The following PCDHA12 variants were observed in gnomAD, a reference collection of about 807,000 sequenced individuals.
PCDHA12 encodes protocadherin alpha-12.
Under a neutral mutation model 60.0 loss-of-function variants are expected in PCDHA12, and 44 were observed. That is an observed-to-expected ratio of 0.73 (90% CI 0.58 to 0.94). The LOEUF (loss-of-function observed/expected upper bound fraction) is 0.94, where lower values mean the gene tolerates loss of function less well. PCDHA12 is among the 40% of genes least tolerant of loss of function. The pLI is 0.00. For synonymous variants in PCDHA12, 569 were observed against 553.0 expected (o/e 1.03, Z -0.40); for missense variants, 1,276 against 1,239.7 (o/e 1.03, Z -0.44).
In PCDHA12 at chr5:140,877,539, C is replaced by G. The variant is rs1562735979; in HGVS notation, c.2067C>G (p.Pro689=). The G allele has an allele frequency of 2.5e-6, 4 of 1,613,788 alleles. No homozygotes were observed. Among genetic ancestry groups the G allele is most frequent in the South Asian group, 1.1e-5 (1 of 91,088 alleles). Residue 689 remains proline (P), a synonymous_variant, in exon 1 of 4, where the codon CCC becomes CCG. Coordinates refer to ENST00000398631, the MANE Select transcript of PCDHA12 (RefSeq NM_018903.4). ...SSRASVGAVD[P]EAALVDINVY... ...GGGCCTCAGTGGGCGCTGTGGATCC[C>G]GAAGCGGCTCTGGTGGATATTAACG...
chr5:140,987,012 G>A (rs2097222470), intron 3 of PCDHA12, among the ~76,000 whole-genome samples: 1 of 151,994 alleles, frequency 6.6e-6, no homozygotes. Context: ...TCATGAGTTC[G>A]AGACCAGCCT....
rs2080357826 is a variant in PCDHA12 at position 140,921,739 on chromosome 5, G to T, written c.2367+43900G>T. The stretch of plus-strand genomic sequence containing the variant: ...CGAATTACTCCCATAAAAATTATAA[G>T]CATAACAGGACACTTCTTGGCTACT... On this transcript the variant is annotated intron_variant, in intron 1 of 3. Transcript: ENST00000398631. Among the ~76,000 whole-genome samples, 7 of 152,134 alleles carry T rather than the reference G, an allele frequency of 4.6e-5. No individual in the cohort carries two copies. In the South Asian group the frequency reaches 1.5e-3, roughly 32 times the overall value.
chr5:140,886,006 G>C (rs2060811194), intron 1 of PCDHA12, among the ~76,000 whole-genome samples: 2 of 152,088 alleles, frequency 1.3e-5, no homozygotes, highest in Non-Finnish European at 2.9e-5. Context: ...AAATAGTAAA[G>C]GGAGATGCTA....
At position 140,876,146 on chromosome 5, in the gene PCDHA12, C is replaced by G. The variant is rs75398909; in HGVS notation, c.674C>G (p.Ser225Cys). The G allele has an allele frequency of 1.6e-3, 2,650 of 1,613,952 alleles. 40 individuals carry two copies. In the African/African-American group the frequency reaches 0.028, roughly 17 times the overall value. ...GGCGGTAAACCAGAACTAACAGGGT[C>G]TGTCCAGATTCAAATAACCGTCCTG... ...IDGGKPELTG[S>C]VQIQITVLDV... Residue 225 changes from serine (S) to cysteine (C), a missense_variant, in exon 1 of 4, where the codon TCT (serine) becomes TGT (cysteine). Ser to Cys is a moderately radical substitution (Grantham distance 112). Coordinates refer to ENST00000398631, the MANE Select transcript of PCDHA12 (RefSeq NM_018903.4).
At chr5:141,001,811 C>T (rs1200900455) in intron 3 of PCDHA12, among the ~76,000 whole-genome samples, 1 of 152,128 alleles carries the variant, frequency 6.6e-6, no homozygotes, top group Non-Finnish European at 1.5e-5. Flanking sequence ...ATTCTACAAT[C>T]GGCCAAATTC....
chr5:140,910,580 C>T (rs1384259049), intron 1 of PCDHA12, among the ~76,000 whole-genome samples: 1 of 152,162 alleles, frequency 6.6e-6, no homozygotes, highest in Non-Finnish European at 1.5e-5. Flanking sequence ...CTGGATCCTC[C>T]CAGCTGGGAT....
intron 3 of PCDHA12, among the ~76,000 whole-genome samples, chr5:141,000,413 A>AT (rs2097920175): frequency 1.1e-5 from 1 of 93,256 alleles, no homozygotes; most frequent in African/African-American, 4.5e-5. Context: ...ATATATATAT[A>AT]TATATATATT....
intron 1 of PCDHA12, among the ~76,000 whole-genome samples, chr5:140,958,355 C>A (rs2095420165): frequency 6.6e-6 from 1 of 152,064 alleles, no homozygotes; most frequent in Admixed American, 6.6e-5. Context: ...CACAGTCTGA[C>A]TTTATCAGGA....
rs377753884 is a variant in PCDHA12 at position 140,877,685 on chromosome 5, C to G, written c.2213C>G (p.Thr738Arg). ...TVSRCAPGKP[T>R]LVCSSAVGSW... ...AGCCGGTGCGCGCCGGGCAAGCCCA[C>G]GCTGGTGTGCTCCAGCGCCGTGGGG... The change falls in exon 1 of 4, where the codon ACG (threonine) becomes AGG (arginine). Residue 738 changes from threonine (T) to arginine (R), a missense_variant. By Grantham distance (71) the Thr-to-Arg change is moderately conservative (BLOSUM62 -1). Transcript: ENST00000398631. 5.0e-6 allele frequency: 8 copies of G among 1,613,628 alleles called. No individual in the cohort carries two copies. The highest frequency in any genetic ancestry group is 2.7e-5 in the African/African-American group (2 of 74,902).
intron 1 of PCDHA12, among the ~76,000 whole-genome samples, chr5:140,878,707 A>C (rs1450914173): frequency 2.0e-5 from 3 of 152,232 alleles, no homozygotes; most frequent in Non-Finnish European, 4.4e-5. Context: ...GCCTGGTAGT[A>C]AAGGCATTAA....
chr5:140,899,672 T>C (rs1280165974), intron 1 of PCDHA12, among the ~76,000 whole-genome samples: 1 of 152,218 alleles, frequency 6.6e-6, no homozygotes, highest in Non-Finnish European at 1.5e-5. Flanking sequence ...CCGGCTTTGG[T>C]ATCAGGATGA....
intron 3 of PCDHA12, among the ~76,000 whole-genome samples, chr5:140,986,945 C>G (rs1295830111): frequency 1.3e-5 from 2 of 151,946 alleles, no homozygotes; most frequent in Non-Finnish European, 2.9e-5. Context: ...TGGGTGTGGT[C>G]GCTCATGCCT....
At chr5:140,967,548 C>T (rs782750678) in intron 1 of PCDHA12, 15 of 1,613,922 alleles carry the variant, frequency 9.3e-6, no homozygotes, top group Non-Finnish European at 1.3e-5. Context: ...GACCAGTCCA[C>T]TTATCGCGTC....
intron 1 of PCDHA12, among the ~76,000 whole-genome samples, chr5:140,954,720 T>C (rs1255262640): frequency 1.3e-5 from 2 of 152,168 alleles, no homozygotes; most frequent in African/African-American, 4.8e-5. Context: ...ATTCTGTAGG[T>C]TGTCTTTTCA....
chr5:141,000,416 TATA>T lies in PCDHA12; in HGVS notation c.2516-9210_2516-9208del, dbSNP rs1254571264. Among the ~76,000 whole-genome samples the T allele has an allele frequency of 5.1e-3, 472 of 93,246 alleles. 2 individuals carry two copies. Among genetic ancestry groups the T allele is most frequent in the Non-Finnish European group, 6.8e-3 (330 of 48,634 alleles). 61.2% of individuals were successfully genotyped at this position (93,246 alleles called of 152,430 possible). On this transcript the variant is annotated intron_variant, in intron 3 of 3. Transcript: ENST00000398631. ...CTCTCTATATATATATATATATATA[TATA>T]TATTTTTTTTTTTTTTTTTTTTTTT...
intron 1 of PCDHA12, among the ~76,000 whole-genome samples, chr5:140,897,318 A>T (rs1420123207): frequency 1.4e-5 from 2 of 145,668 alleles, no homozygotes; most frequent in African/African-American, 2.5e-5. Flanking sequence ...TATCTCCTAA[A>T]GCTATCCCTC....
intron 1 of PCDHA12, 27 bp from the exon 2 acceptor site, chr5:140,978,922 C>G: frequency 6.2e-7 from 1 of 1,613,966 alleles, no homozygotes; most frequent in Non-Finnish European, 8.5e-7. Context: ...GTCATTTTAA[C>G]AGAAAACTCT....
intron 1 of PCDHA12, chr5:140,968,152 C>T (rs782362724): frequency 6.2e-7 from 1 of 1,614,172 alleles, no homozygotes; most frequent in South Asian, 1.1e-5. Context: ...TCTCTGACAT[C>T]AATGACAATC....
At chr5:140,965,402 G>A (rs1554227671) in intron 1 of PCDHA12, among the ~76,000 whole-genome samples, 1 of 152,112 alleles carries the variant, frequency 6.6e-6, no homozygotes, top group Non-Finnish European at 1.5e-5. Context: ...AGTCTAAGGA[G>A]TCTTATATTT....
Sources: gnomAD v4.1 joint callset for allele counts (sites outside exome capture counted in the v4.1 genomes callset) on GRCh38, gnomAD v4.1.1 for gene constraint, MANE v1.5 for transcripts, NCBI Gene and HGNC (gene_info 2026-07-23, HGNC 2026-07-21) for gene names.